The following HS3ST4 variants were observed in gnomAD, a reference collection of about 807,000 sequenced individuals.
HS3ST4 encodes the protein heparan sulfate glucosamine 3-O-sulfotransferase 4.
A neutral mutation model predicts 29.2 loss-of-function variants in HS3ST4; 17 were observed. The observed-to-expected ratio is 0.58, with a 90% CI of 0.40 to 0.87. The LOEUF (loss-of-function observed/expected upper bound fraction) is 0.87, where lower values mean the gene tolerates loss of function less well. HS3ST4 is among the 40% of genes least tolerant of loss of function. The pLI is 0.00. For missense variants in HS3ST4, 627 were observed against 634.5 expected (o/e 0.99, Z 0.13); for synonymous variants, 314 against 285.7 (o/e 1.10, Z -1.00).
chr16:25,732,343 C>A (rs1005400936), intron 1 of HS3ST4, among the ~76,000 whole-genome samples: 1 of 152,198 alleles, frequency 6.6e-6, no homozygotes, highest in African/African-American at 2.4e-5. Flanking sequence ...TACGTTGACA[C>A]GTGCTTGCAA....
chr16:26,097,375 C>T (rs899918361), intron 1 of HS3ST4, among the ~76,000 whole-genome samples: 1 of 152,072 alleles, frequency 6.6e-6, no homozygotes, highest in Non-Finnish European at 1.5e-5. Flanking sequence ...GTACTGGTAC[C>T]AAAACAGATA....
At chr16:25,867,594 G>GCA (rs71672492) in intron 1 of HS3ST4, among the ~76,000 whole-genome samples, 1,666 of 151,448 alleles carry the variant, frequency 0.011, 25 homozygotes, top group African/African-American at 0.038. Context: ...ACACACACAT[G>GCA]CACACACACA....
At chr16:25,911,154 G>A (rs527735925) in intron 1 of HS3ST4, among the ~76,000 whole-genome samples, 22 of 152,132 alleles carry the variant, frequency 1.4e-4, no homozygotes, top group Non-Finnish European at 3.1e-4. Flanking sequence ...TCTCTCTGAG[G>A]CCGAGTCAAC....
intron 1 of HS3ST4, among the ~76,000 whole-genome samples, chr16:26,114,166 A>G (rs1192111667): frequency 6.6e-6 from 1 of 152,148 alleles, no homozygotes; most frequent in Non-Finnish European, 1.5e-5. Context: ...GTGTGGGGCA[A>G]GTGGCAGGAC....
intron 1 of HS3ST4, among the ~76,000 whole-genome samples, chr16:25,899,528 C>T (rs140744798): frequency 2.4e-4 from 37 of 151,964 alleles, no homozygotes; most frequent in South Asian, 1.7e-3. Flanking sequence ...ATTTTTGAGA[C>T]GGAGTCTCAC....
At position 25,828,301 on chromosome 16, in the gene HS3ST4, C is replaced by CTTTCTCT. The variant is rs1555467593; in HGVS notation, c.734+135150_734+135151insTTTCTCT. 6.7e-4 allele frequency among the ~76,000 whole-genome samples: 22 copies of CTTTCTCT among 32,882 alleles called. 3 individuals carry two copies. The highest frequency in any genetic ancestry group is 1.1e-3 in the Non-Finnish European group (20 of 18,218). The allele number at this position is 32,882 out of a possible 152,430, so 21.6% of individuals were successfully genotyped here. ...CTTTCTTTCTTTCTTTCTTTCTTTC[C>CTTTCTCT]CTCTCTCTCTCTCTCTCTCTCTCTC... On this transcript the variant is annotated intron_variant, in intron 1 of 1. Transcript: ENST00000331351.
chr16:25,862,672 G>A (rs993892099), intron 1 of HS3ST4, among the ~76,000 whole-genome samples: 4 of 150,178 alleles, frequency 2.7e-5, no homozygotes, highest in African/African-American at 7.4e-5. Context: ...GCTATTTAAC[G>A]ATACCGTTTA....
chr16:25,732,294 C>T (rs948475828), intron 1 of HS3ST4, among the ~76,000 whole-genome samples: 4 of 152,158 alleles, frequency 2.6e-5, no homozygotes, highest in African/African-American at 4.8e-5. Flanking sequence ...TACTTTTTGG[C>T]GGCAGTTTAG....
intron 1 of HS3ST4, among the ~76,000 whole-genome samples, chr16:25,785,541 G>A (rs574654653): frequency 2.0e-4 from 31 of 152,276 alleles, no homozygotes; most frequent in Middle Eastern, 3.4e-3. Context: ...AAATTGTGGC[G>A]AGTATTTCAA....
chr16:26,011,703 TGAGA>T (rs72380298), intron 1 of HS3ST4, among the ~76,000 whole-genome samples: 22,480 of 100,230 alleles, frequency 0.22, 4,421 homozygotes, highest in African/African-American at 0.52. Context: ...TGTGTGTGTG[TGAGA>T]GAGAGACAGA....
intron 1 of HS3ST4, chr16:25,825,417 T>G (rs946257120): frequency 2.0e-5 from 3 of 152,192 alleles, no homozygotes; most frequent in Non-Finnish European, 2.9e-5. Flanking sequence ...TGGTTTGTGA[T>G]GGTGATGGTG....
At chr16:25,794,445 C>T (rs8061866) in intron 1 of HS3ST4, among the ~76,000 whole-genome samples, 18,503 of 151,442 alleles carry the variant, frequency 0.12, 1,287 homozygotes, top group African/African-American at 0.18. Context: ...CGGGTTTTAT[C>T]GTTTAAAAAT....
At chr16:25,896,580 AG>A (rs1567267220) in intron 1 of HS3ST4, among the ~76,000 whole-genome samples, 2 of 152,170 alleles carry the variant, frequency 1.3e-5, no homozygotes, top group Non-Finnish European at 2.9e-5. Flanking sequence ...CACTGTGGAG[AG>A]GGGAGATTTC....
chr16:26,120,265 T>C (rs1009162676), intron 1 of HS3ST4, among the ~76,000 whole-genome samples: 8 of 152,166 alleles, frequency 5.3e-5, no homozygotes, highest in Non-Finnish European at 8.8e-5. Flanking sequence ...CTGATTGGTT[T>C]AAAAATCTGT....
chr16:26,000,312 C>T (rs1272249327), intron 1 of HS3ST4, among the ~76,000 whole-genome samples: 13 of 152,136 alleles, frequency 8.5e-5, no homozygotes, highest in Admixed American at 7.9e-4. Flanking sequence ...GATTTTTCCA[C>T]ATTCTCAAAA....
At chr16:25,931,547 C>G (rs1968464085) in intron 1 of HS3ST4, among the ~76,000 whole-genome samples, 1 of 152,324 alleles carries the variant, frequency 6.6e-6, no homozygotes, top group South Asian at 2.1e-4. Context: ...AGCAAAAGCA[C>G]CTTCAATGGG....
At chr16:26,103,310 A>G (rs932813727) in intron 1 of HS3ST4, among the ~76,000 whole-genome samples, 1 of 152,186 alleles carries the variant, frequency 6.6e-6, no homozygotes, top group Non-Finnish European at 1.5e-5. Context: ...GCACATCACT[A>G]TTATAGCTAA....
chr16:26,123,826 T>C (rs897517348), intron 1 of HS3ST4, among the ~76,000 whole-genome samples: 2 of 152,238 alleles, frequency 1.3e-5, no homozygotes, highest in African/African-American at 4.8e-5. Context: ...TCCATTGAAG[T>C]TGCTGCAAAA....
In HS3ST4 at chr16:25,742,186, C is replaced by T. The variant is rs1375054743; in HGVS notation, c.734+49035C>T. ...CAAATCCACATCCCCCACCTCACTG[C>T]CAAACCGGCGCCTTGACACTGCTTT... On this transcript the variant is annotated intron_variant, in intron 1 of 1. Transcript: ENST00000331351. 2.0e-5 allele frequency among the ~76,000 whole-genome samples: 3 copies of T among 152,188 alleles called. No homozygotes were observed. The East Asian group carries it at 5.8e-4, about 29-fold the overall frequency.
Sources: gnomAD v4.1 joint callset for allele counts (sites outside exome capture counted in the v4.1 genomes callset) on GRCh38, gnomAD v4.1.1 for gene constraint, MANE v1.5 for transcripts, NCBI Gene and HGNC (gene_info 2026-07-23, HGNC 2026-07-21) for gene names.